The following LIN7C variants were observed in gnomAD, a reference collection of about 807,000 sequenced individuals.
LIN7C encodes the protein lin-7 cell polarity scaffold C.
Under a neutral mutation model 24.7 loss-of-function variants are expected in LIN7C, and 17 were observed. That is an observed-to-expected ratio of 0.69 (90% confidence interval 0.47 to 1.03). LIN7C has a LOEUF of 1.03. Ranked by LOEUF, LIN7C falls within the 50% of genes least tolerant of loss-of-function variation. The pLI is 0.00. For synonymous variants in LIN7C, 90 were observed against 83.4 expected (o/e 1.08, Z -0.43); for missense variants, 204 against 239.0 (o/e 0.85, Z 0.97).
chr11:27,501,639 G>GTTAAAATTTCAGGCGAAT, intron 2 of LIN7C, 73 bp from the exon 3 acceptor site: 1 of 1,074,422 alleles, frequency 9.3e-7, no homozygotes, highest in South Asian at 1.4e-5. Context: ...TTCAGGCAAA[G>GTTAAAATTTCAGGCGAAT]TTATGCATCT....
chr11:27,506,108 G>C (rs1037461651), intron 1 of LIN7C, among the ~76,000 whole-genome samples: 1 of 152,222 alleles, frequency 6.6e-6, no homozygotes, highest in African/African-American at 2.4e-5. Context: ...ACCTGCAAGT[G>C]TTTTAGCATC....
intron 1 of LIN7C, among the ~76,000 whole-genome samples, chr11:27,504,401 T>C (rs1440562138): frequency 6.6e-6 from 1 of 152,250 alleles, no homozygotes; most frequent in African/African-American, 2.4e-5. Flanking sequence ...AATCATAGTT[T>C]GATGATTTAG....
Position 27,499,501 on chromosome 11 carries a change from GT to G in LIN7C, c.295del (p.Thr99GlnfsTer24), listed in dbSNP as rs749588962. The G allele has an allele frequency of 9.3e-6, 15 of 1,614,066 alleles. 1 individual carries two copies. ...AATATTGAATCCAAGGCCCTCTTCT[GT>G]TTTTGGTAGCTCAACAACTCGAGGA... ...SHPRVVELPK[T>X]EEGLGFNIMG... On this transcript the variant is annotated frameshift_variant, in exon 4 of 5. Coordinates refer to ENST00000278193, the MANE Select transcript of LIN7C (RefSeq NM_018362.4). LOFTEE classifies it high-confidence loss of function.
rs1865158220 is a variant in LIN7C, at chr11:27,495,634, C to T, written c.*3015G>A. Reference sequence around the variant, plus strand: ...TTCTCATCTGCAATTTTTAAACATGCTTTCTCAAATAACAAACACGTATTT... The same window carrying T: ...TTCTCATCTGCAATTTTTAAACATGTTTTCTCAAATAACAAACACGTATTT... On this transcript the variant is annotated 3_prime_UTR_variant, in exon 5 of 5. Transcript: ENST00000278193. 2 of 151,564 alleles carry T rather than the reference C, an allele frequency of 1.3e-5. No individual in the cohort carries two copies. Among genetic ancestry groups the T allele is most frequent in the Admixed American group, 6.6e-5 (1 of 15,188 alleles). The allele number at this position is 151,564 out of a possible 1,614,324, so 9.4% of individuals were successfully genotyped here.
At position 27,498,174 on chromosome 11, in the gene LIN7C, G is replaced by A. The variant is rs1865188761; in HGVS notation, c.*475C>T. The A allele has an allele frequency of 6.5e-6, 1 of 153,964 alleles. No individual in the cohort carries two copies. Among genetic ancestry groups the A allele is most frequent in the Non-Finnish European group, 1.4e-5 (1 of 69,560 alleles). The allele number at this position is 153,964 out of a possible 1,614,324, so 9.5% of individuals were successfully genotyped here. A position where few individuals can be genotyped will look rare whatever the true frequency, so the allele number is the denominator to read the frequency against. On this transcript the variant is annotated 3_prime_UTR_variant, in exon 5 of 5. Coordinates refer to ENST00000278193, the MANE Select transcript of LIN7C (RefSeq NM_018362.4). Reference sequence around the variant, plus strand: ...ATTGACAGTGTAATGAACTGCCGTAGATGAGACTGTTATGCTTAATTTCTT... The same window carrying A: ...ATTGACAGTGTAATGAACTGCCGTAAATGAGACTGTTATGCTTAATTTCTT...
At chr11:27,505,150 CG>C (rs771797790) in intron 1 of LIN7C, among the ~76,000 whole-genome samples, 1 of 152,038 alleles carries the variant, frequency 6.6e-6, no homozygotes, top group Non-Finnish European at 1.5e-5. Flanking sequence ...CTGGGCAACA[CG>C]GTGAAACCCC....
intron 1 of LIN7C, among the ~76,000 whole-genome samples, chr11:27,503,651 T>C (rs1229526749): frequency 6.6e-6 from 1 of 150,806 alleles, no homozygotes; most frequent in African/African-American, 2.4e-5. Context: ...GTAGCTGGGA[T>C]TACAGGAGTC....
chr11:27,499,575 GAA>G lies in LIN7C; in HGVS notation c.229-9_229-8del. 6.2e-7 allele frequency: 1 copy of G among 1,611,484 alleles called. No homozygotes were observed. On this transcript the variant is annotated splice_region_variant and splice_polypyrimidine_tract_variant and intron_variant, in intron 3 of 4. Coordinates refer to ENST00000278193, the MANE Select transcript of LIN7C (RefSeq NM_018362.4). The stretch of plus-strand genomic sequence containing the variant: ...CAAATGCAGCAACAGTAGCCTGAAA[GAA>G]AGTTTTACATATTAAAAATATGACT...
chr11:27,506,742 A>C lies in LIN7C; in HGVS notation c.11T>G (p.Leu4Arg). 1.2e-6 allele frequency: 2 copies of C among 1,613,898 alleles called. No homozygotes were observed. The highest frequency in any genetic ancestry group is 8.5e-7 in the Non-Finnish European group (1 of 1,179,932). The change falls in exon 1 of 5, where the codon CTA becomes CGA. Residue 4 changes from leucine to arginine, a missense_variant. By Grantham distance (102) the Leu-to-Arg change is moderately radical. Transcript: ENST00000278193. ...TCTCTCCAGCCGCACGGGTTCCCCT[A>C]GCGCCGCCATCTTCTCCCTTAACCT... MAA[L>R]GEPVRLERDI...
chr11:27,506,740 C>T lies in LIN7C; in HGVS notation c.13G>A (p.Gly5Arg), dbSNP rs147126784. Residue 5 changes from glycine (G) to arginine (R), a missense_variant, in exon 1 of 5, where the codon GGG (glycine) becomes AGG (arginine). Gly to Arg is a moderately radical substitution (Grantham distance 125). Coordinates refer to ENST00000278193, the MANE Select transcript of LIN7C (RefSeq NM_018362.4). MAAL[G>R]EPVRLERDIC... ...CCTCTCTCCAGCCGCACGGGTTCCC[C>T]TAGCGCCGCCATCTTCTCCCTTAAC... is the stretch of plus-strand genomic sequence containing the variant. The T allele has an allele frequency of 5.6e-6, 9 of 1,614,114 alleles. No individual in the cohort carries two copies. The highest frequency in any genetic ancestry group is 4.5e-5 in the East Asian group (2 of 44,854).
rs1224089377 is a variant in LIN7C, at chr11:27,497,362, CTGTAAGT to C, written c.*1280_*1286del. ...AATTTTTCTTAAAGTACAAATGTTC[CTGTAAGT>C]TGTAACAGAAAATGAACCCCAACTC... On this transcript the variant is annotated 3_prime_UTR_variant, in exon 5 of 5. Coordinates refer to ENST00000278193, the MANE Select transcript of LIN7C (RefSeq NM_018362.4). 1 of 152,504 alleles carries C rather than the reference CTGTAAGT, an allele frequency of 6.6e-6. No individual in the cohort carries two copies. Among genetic ancestry groups the C allele is most frequent in the Non-Finnish European group, 1.5e-5 (1 of 67,954 alleles). The allele number at this position is 152,504 out of a possible 1,614,324, so 9.4% of individuals were successfully genotyped here.
chr11:27,498,526 A>C lies in LIN7C; in HGVS notation c.*123T>G. On this transcript the variant is annotated 3_prime_UTR_variant, in exon 5 of 5. Coordinates refer to ENST00000278193, the MANE Select transcript of LIN7C (RefSeq NM_018362.4). ...TTAAAATAGGCATTTATAAAATGAC[A>C]AGGAGAATTTCATGATAAATTTGTT... 2 of 897,516 alleles carry C rather than the reference A, an allele frequency of 2.2e-6. No individual in the cohort carries two copies. The highest frequency in any genetic ancestry group is 3.4e-6 in the Non-Finnish European group (2 of 584,324). The allele number at this position is 897,516 out of a possible 1,614,324, so 55.6% of individuals were successfully genotyped here.
intron 1 of LIN7C, 111 bp downstream of exon 1, chr11:27,506,605 A>T: frequency 7.9e-7 from 1 of 1,269,280 alleles, no homozygotes; most frequent in Non-Finnish European, 1.1e-6. Flanking sequence ...CGCCGGCACA[A>T]GGGACAGCGT....
chr11:27,502,979 G>A (rs970014058), intron 1 of LIN7C, among the ~76,000 whole-genome samples: 1 of 152,162 alleles, frequency 6.6e-6, no homozygotes, highest in Non-Finnish European at 1.5e-5. Context: ...GCCAGGCATG[G>A]TGGCGGGTGC....
At position 27,504,670 on chromosome 11, in the gene LIN7C, A is replaced by G. The variant is rs1865255783; in HGVS notation, c.37+2046T>C. 2.0e-5 allele frequency among the ~76,000 whole-genome samples: 3 copies of G among 152,208 alleles called. No individual in the cohort carries two copies. In the South Asian group the frequency reaches 6.2e-4, roughly 31 times the overall value. The stretch of plus-strand genomic sequence containing the variant: ...AGATCTGCAGATGCTCAAGTCTCTG[A>G]TATAAAATGATATAGTATTGGCATA... On this transcript the variant is annotated intron_variant, in intron 1 of 4. Coordinates refer to ENST00000278193, the MANE Select transcript of LIN7C (RefSeq NM_018362.4).
At position 27,494,730 on chromosome 11, in the gene LIN7C, C is replaced by T. The variant is rs1209486119; in HGVS notation, c.*3919G>A. On this transcript the variant is annotated 3_prime_UTR_variant, in exon 5 of 5. Coordinates refer to ENST00000278193, the MANE Select transcript of LIN7C (RefSeq NM_018362.4). ...GCATTTGCCAGTTATTTTAAAAAAC[C>T]GAGTCAATACAAATTAGTCTCAAAG... is the stretch of plus-strand genomic sequence containing the variant. The T allele has an allele frequency of 6.6e-6, 1 of 152,010 alleles. No individual in the cohort carries two copies. Among genetic ancestry groups the T allele is most frequent in the Non-Finnish European group, 1.5e-5 (1 of 67,986 alleles). 9.4% of individuals were successfully genotyped at this position (152,010 alleles called of 1,614,324 possible).
chr11:27,499,393 T>C lies in LIN7C; in HGVS notation c.404A>G (p.Lys135Arg). Reference sequence around the variant, plus strand: ...AACAGAGAGGAGTTGATCTCCACGTTTGAGGCCCCCATGTCTATCAGCAAT... The same window carrying C: ...AACAGAGAGGAGTTGATCTCCACGTCTGAGGCCCCCATGTCTATCAGCAAT... ...GGIADRHGGLKRGDQLLSVNG... is the reference protein window; with the variant it reads ...GGIADRHGGLRRGDQLLSVNG... Residue 135 changes from lysine (K) to arginine (R), a missense_variant, in exon 4 of 5, where the codon AAA becomes AGA. Transcript: ENST00000278193. 1 of 1,614,160 alleles carries C rather than the reference T, an allele frequency of 6.2e-7. No individual in the cohort carries two copies. Among genetic ancestry groups the C allele is most frequent in the Non-Finnish European group, 8.5e-7 (1 of 1,180,004 alleles).
chr11:27,499,666 A>C, intron 3 of LIN7C, 98 bp from the exon 4 acceptor site: 1 of 1,067,592 alleles, frequency 9.4e-7, no homozygotes, highest in South Asian at 1.5e-5. Flanking sequence ...TCTGTCGCAC[A>C]GGCTGGAGTG....
chr11:27,501,970 G>C (rs374740804), intron 1 of LIN7C, 50 bp from the exon 2 acceptor site: 15 of 1,153,444 alleles, frequency 1.3e-5, no homozygotes, highest in Non-Finnish European at 1.3e-6. Flanking sequence ...TTTTCTCAAT[G>C]CCTATGTAAC....
Sources: gnomAD v4.1 joint callset for allele counts (sites outside exome capture counted in the v4.1 genomes callset) on GRCh38, gnomAD v4.1.1 for gene constraint, MANE v1.5 for transcripts, NCBI Gene and HGNC (gene_info 2026-07-23, HGNC 2026-07-21) for gene names.